The following TMX4 variants were observed in gnomAD, a reference collection of about 807,000 sequenced individuals.
TMX4 encodes thioredoxin related transmembrane protein 4, also known as thioredoxin-related transmembrane protein 4.
Under a neutral mutation model 33.3 loss-of-function variants are expected in TMX4, and 23 were observed. That is an observed-to-expected ratio of 0.69 (90% confidence interval 0.50 to 0.98). TMX4 has a LOEUF of 0.98. Among genes scored for constraint, TMX4 ranks in the 50% least tolerant of loss-of-function variants. TMX4 has a pLI of 0.00. For missense variants in TMX4, 399 were observed against 448.9 expected (o/e 0.89, Z 1.01); for synonymous variants, 164 against 161.5 (o/e 1.02, Z -0.12).
At chr20:7,998,283 C>T (rs1306806097) in intron 4 of TMX4, among the ~76,000 whole-genome samples, 1 of 152,190 alleles carries the variant, frequency 6.6e-6, no homozygotes, top group East Asian at 1.9e-4. Flanking sequence ...TTAATTTTCT[C>T]TTGCCCAAGG....
chr20:8,016,735 G>T (rs915820810), intron 1 of TMX4, among the ~76,000 whole-genome samples: 1 of 152,000 alleles, frequency 6.6e-6, no homozygotes, highest in African/African-American at 2.4e-5. Context: ...ATGAAAGAGC[G>T]CATATAAGCA....
rs368298779 is a variant in TMX4 at position 7,985,686 on chromosome 20, C to T, written c.615+1602G>A. ...TTCATATGCTTTGAAATTATTATTT[C>T]GTTAATAAAGTTAATAATATTTTGT... is the stretch of plus-strand genomic sequence containing the variant. On this transcript the variant is annotated intron_variant, in intron 6 of 7. Coordinates refer to ENST00000246024, the MANE Select transcript of TMX4 (RefSeq NM_021156.4). Among the ~76,000 whole-genome samples, 23 of 152,138 alleles carry T rather than the reference C, an allele frequency of 1.5e-4. No homozygotes were observed. The South Asian group carries it at 2.5e-3, about 17-fold the overall frequency.
intron 5 of TMX4, among the ~76,000 whole-genome samples, chr20:7,989,544 T>TGTATCAATTTCCTC (rs2050645434): frequency 6.6e-6 from 1 of 152,234 alleles, no homozygotes; most frequent in African/African-American, 2.4e-5. Context: ...TCAATTTTCT[T>TGTATCAATTTCCTC]GTATCAATTT....
Position 7,987,367 on chromosome 20 carries a change from A to T in TMX4, c.536T>A (p.Val179Glu), listed in dbSNP as rs1306848844. The T allele has an allele frequency of 6.3e-7, 1 of 1,591,094 alleles. No homozygotes were observed. The highest frequency in any genetic ancestry group is 8.5e-7 in the Non-Finnish European group (1 of 1,174,286). Residue 179 changes from valine to glutamate, a missense_variant, in exon 6 of 8, where the codon GTG becomes GAG. Coordinates refer to ENST00000246024, the MANE Select transcript of TMX4 (RefSeq NM_021156.4). ...ACACCAAGCAGGAATTCCAAGAGTC[A>T]CTGTGAAATAGTTGTGAAGATGCTG... ...KIWHLHNYFT[V>E]TLGIPAWCSY...
In TMX4 at chr20:7,982,324, C is replaced by T. The variant is rs778530394; in HGVS notation, c.977G>A (p.Cys326Tyr). The stretch of plus-strand genomic sequence containing the variant: ...TTCCACCACCTCTGTGTCAGCTGGG[C>T]AGGGTTGCTCAGAGATGCCTTCTTC... ...EAEEGISEQP[C>Y]PADTEVVEDS... The change falls in exon 8 of 8, where the codon TGC becomes TAC. Residue 326 changes from cysteine to tyrosine, a missense_variant. Transcript: ENST00000246024. The T allele has an allele frequency of 1.5e-5, 25 of 1,614,106 alleles. No homozygotes were observed. The highest frequency in any genetic ancestry group is 2.2e-5 in the East Asian group (1 of 44,854).
intron 1 of TMX4, among the ~76,000 whole-genome samples, chr20:8,018,453 A>G (rs1381910604): frequency 6.7e-5 from 1 of 15,028 alleles, no homozygotes; most frequent in African/African-American, 5.1e-4. Flanking sequence ...AGAGAGGGGG[A>G]GGGAGGGAGG....
At chr20:7,990,424 G>C (rs546138211) in intron 5 of TMX4, among the ~76,000 whole-genome samples, 1 of 152,224 alleles carries the variant, frequency 6.6e-6, no homozygotes, top group Non-Finnish European at 1.5e-5. Context: ...ATATTTGAGT[G>C]AGAAGATGAA....
intron 1 of TMX4, 194 bp downstream of exon 1, chr20:8,019,244 A>C: frequency 1.6e-6 from 1 of 631,296 alleles, no homozygotes; most frequent in Non-Finnish European, 2.5e-6. Context: ...GGGTCCGCGG[A>C]CCCCAGGTCG....
chr20:7,989,778 G>C (rs1363531999), intron 5 of TMX4, among the ~76,000 whole-genome samples: 3 of 152,094 alleles, frequency 2.0e-5, no homozygotes, highest in Non-Finnish European at 4.4e-5. Context: ...TGTTTCCAAA[G>C]GAATAGCTTA....
chr20:7,994,424 A>G (rs2050667657), intron 5 of TMX4, among the ~76,000 whole-genome samples: 1 of 152,180 alleles, frequency 6.6e-6, no homozygotes, highest in Admixed American at 6.5e-5. Context: ...GACACACTCT[A>G]AATGTTACAC....
At chr20:7,999,973 T>C (rs919037801) in intron 3 of TMX4, 113 bp from the exon 4 acceptor site, 49 of 1,085,220 alleles carry the variant, frequency 4.5e-5, no homozygotes, top group Admixed American at 2.7e-4. Flanking sequence ...GAACTTTAAA[T>C]TGACTCAATT....
chr20:8,019,197 G>A lies in TMX4; in HGVS notation c.176+241C>T, dbSNP rs995534017. 2.9e-5 allele frequency: 15 copies of A among 513,928 alleles called. No individual in the cohort carries two copies. The South Asian group carries it at 3.0e-4, about 10-fold the overall frequency. The allele number at this position is 513,928 out of a possible 1,614,324, so 31.8% of individuals were successfully genotyped here. On this transcript the variant is annotated intron_variant, in intron 1 of 7. Coordinates refer to ENST00000246024, the MANE Select transcript of TMX4 (RefSeq NM_021156.4). The stretch of plus-strand genomic sequence containing the variant: ...GGCTCGGCGCGCATGCGCGGCGCGA[G>A]CGGCCGGGCCCCACAGCCGCAGGTC...
chr20:8,015,245 T>G (rs2050769749), intron 1 of TMX4, among the ~76,000 whole-genome samples: 1 of 152,208 alleles, frequency 6.6e-6, no homozygotes, highest in South Asian at 2.1e-4. Flanking sequence ...TCGCATGTTT[T>G]TAAATACCCA....
intron 2 of TMX4, among the ~76,000 whole-genome samples, chr20:8,005,050 T>C (rs763079469): frequency 3.3e-5 from 5 of 152,206 alleles, no homozygotes; most frequent in Admixed American, 6.5e-5. Flanking sequence ...GAAAACAAGA[T>C]AAAATTTACA....
chr20:8,016,263 T>A lies in TMX4; in HGVS notation c.176+3175A>T, dbSNP rs370708303. ...GCCGGGTGCCTGTATTCCCAGCTACTTGGGAGGCTGAGGCAGGAGAATTGC... is the reference window on the plus strand; with the variant it reads ...GCCGGGTGCCTGTATTCCCAGCTACATGGGAGGCTGAGGCAGGAGAATTGC... On this transcript the variant is annotated intron_variant, in intron 1 of 7. Transcript: ENST00000246024. Among the ~76,000 whole-genome samples, 7 of 152,254 alleles carry A rather than the reference T, an allele frequency of 4.6e-5. No individual in the cohort carries two copies. In the South Asian group the frequency reaches 1.5e-3, roughly 32 times the overall value.
intron 6 of TMX4, among the ~76,000 whole-genome samples, chr20:7,984,989 A>T (rs1410601197): frequency 1.3e-5 from 2 of 152,076 alleles, no homozygotes; most frequent in Admixed American, 6.6e-5. Context: ...AATATTCTCT[A>T]TGTGGCTAAG....
intron 1 of TMX4, among the ~76,000 whole-genome samples, chr20:8,017,591 GA>G (rs1462867116): frequency 2.6e-5 from 4 of 152,170 alleles, no homozygotes; most frequent in African/African-American, 9.7e-5. Flanking sequence ...TAGAGGAGTT[GA>G]AGTCATTAAA....
At chr20:8,018,764 AATT>A (rs2050795365) in intron 1 of TMX4, 1 of 193,222 alleles carries the variant, frequency 5.2e-6, no homozygotes, top group Non-Finnish European at 1.1e-5. Flanking sequence ...TTTATGGCAC[AATT>A]ATTAATATTA....
At chr20:8,011,333 G>A (rs941792943) in intron 1 of TMX4, among the ~76,000 whole-genome samples, 4 of 151,926 alleles carry the variant, frequency 2.6e-5, no homozygotes, top group African/African-American at 9.7e-5. Context: ...AAATGCCTTA[G>A]GAAGGGAAAC....
Sources: gnomAD v4.1 joint callset for allele counts (sites outside exome capture counted in the v4.1 genomes callset) on GRCh38, gnomAD v4.1.1 for gene constraint, MANE v1.5 for transcripts, NCBI Gene and HGNC (gene_info 2026-07-23, HGNC 2026-07-21) for gene names.